The following ATXN7 variants were observed in gnomAD, a reference collection of about 807,000 sequenced individuals.
The protein encoded by ATXN7 is ataxin-7.
Under a neutral mutation model 70.5 loss-of-function variants are expected in ATXN7, and 12 were observed. That is an observed-to-expected ratio of 0.17 (90% CI 0.11 to 0.28). ATXN7 has a LOEUF of 0.28. ATXN7 is among the 10% of genes least tolerant of loss of function. The probability of loss-of-function intolerance (pLI) is 1.00; values close to 1 mark genes in which losing one functional copy is unlikely to be tolerated. For missense variants in ATXN7, 1,256 were observed against 1,131.7 expected, an observed-to-expected ratio of 1.11 and a Z score of -1.58; for synonymous variants, 498 against 448.7, an observed-to-expected ratio of 1.11 and a Z score of -1.39.
chr3:63,912,948 C>T (rs752472931), intron 3 of ATXN7, 25 bp downstream of exon 3: 123 of 1,593,762 alleles, frequency 7.7e-5, no homozygotes, highest in Non-Finnish European at 9.9e-5. Flanking sequence ...CCTCCTCCCC[C>T]CTTCACCCCC....
chr3:63,893,499 C>G (rs1055596000), intron 1 of ATXN7, among the ~76,000 whole-genome samples: 1 of 152,110 alleles, frequency 6.6e-6, no homozygotes, highest in Admixed American at 6.5e-5. Context: ...CTATATTGAA[C>G]ATATTTGGAG....
chr3:63,878,803 A>G (rs1240918570), intron 1 of ATXN7, among the ~76,000 whole-genome samples: 1 of 152,180 alleles, frequency 6.6e-6, no homozygotes, highest in Non-Finnish European at 1.5e-5. Flanking sequence ...GACAGGAGCT[A>G]TAGTACTAGA....
Position 63,923,107 on chromosome 3 carries a change from G to A in ATXN7, c.394+9882G>A, listed in dbSNP as rs180995829. On this transcript the variant is annotated intron_variant, in intron 4 of 12. Coordinates refer to ENST00000674280, the MANE Select transcript of ATXN7 (RefSeq NM_001377405.1). The stretch of plus-strand genomic sequence containing the variant: ...CCTCAGTGTATTTTGTTTATTTTGT[G>A]ATTACTGCCTTGAGAATCCTCTGAC... Among the ~76,000 whole-genome samples the A allele has an allele frequency of 2.6e-5, 4 of 152,272 alleles. No homozygotes were observed. In the East Asian group the frequency reaches 7.7e-4, roughly 29 times the overall value.
chr3:63,996,553 A>C, intron 12 of ATXN7, 70 bp downstream of exon 12: 1 of 1,536,206 alleles, frequency 6.5e-7, no homozygotes, highest in Non-Finnish European at 8.8e-7. Context: ...GTCAGCTCAG[A>C]AATGTGTTTG....
intron 5 of ATXN7, among the ~76,000 whole-genome samples, chr3:63,953,824 T>C (rs1358765599): frequency 1.3e-5 from 2 of 152,008 alleles, no homozygotes; most frequent in Non-Finnish European, 2.9e-5. Flanking sequence ...ATTTTTGTAT[T>C]TTTAGTAGAG....
intron 4 of ATXN7, among the ~76,000 whole-genome samples, chr3:63,922,554 C>CT (rs997696076): frequency 1.1e-4 from 16 of 152,100 alleles, no homozygotes; most frequent in African/African-American, 2.2e-4. Context: ...TTCAAACCCC[C>CT]TTTTTTCTGG....
At chr3:63,960,967 T>C (rs981525387) in intron 5 of ATXN7, among the ~76,000 whole-genome samples, 4 of 152,174 alleles carry the variant, frequency 2.6e-5, no homozygotes, top group African/African-American at 9.7e-5. Context: ...CATTGGGTAA[T>C]TGTGAAAATT....
At chr3:63,959,158 G>T (rs990488290) in intron 5 of ATXN7, among the ~76,000 whole-genome samples, 19 of 152,180 alleles carry the variant, frequency 1.2e-4, no homozygotes, top group African/African-American at 4.6e-4. Context: ...CTAAATCATA[G>T]TCGCTATCTA....
intron 1 of ATXN7, among the ~76,000 whole-genome samples, chr3:63,894,262 T>C (rs1703376515): frequency 6.6e-6 from 1 of 152,208 alleles, no homozygotes; most frequent in South Asian, 2.1e-4. Context: ...GATTTTTAGA[T>C]TTTTCCCAGA....
At chr3:63,979,737 T>A (rs1301236582) in intron 5 of ATXN7, among the ~76,000 whole-genome samples, 178 bp from the exon 6 acceptor site, 1 of 152,210 alleles carries the variant, frequency 6.6e-6, no homozygotes, top group Non-Finnish European at 1.5e-5. Flanking sequence ...GTTCCTAGAA[T>A]GCTAAGTAAG....
intron 1 of ATXN7, among the ~76,000 whole-genome samples, chr3:63,897,118 C>T (rs895736203): frequency 3.9e-5 from 6 of 152,112 alleles, no homozygotes; most frequent in African/African-American, 1.4e-4. Context: ...TTTTGCACAG[C>T]TATAAAGTAT....
chr3:63,924,995 T>C, intron 4 of ATXN7, among the ~76,000 whole-genome samples: 1 of 152,190 alleles, frequency 6.6e-6, no homozygotes, highest in Non-Finnish European at 1.5e-5. Flanking sequence ...ATCACAAGTA[T>C]AGTACCTTGA....
intron 4 of ATXN7, among the ~76,000 whole-genome samples, chr3:63,933,358 A>C (rs949451854): frequency 6.6e-6 from 1 of 152,164 alleles, no homozygotes. Flanking sequence ...CTGACCTTCA[A>C]AGTAGTCAAT....
chr3:63,876,629 A>C (rs576146999), intron 1 of ATXN7, among the ~76,000 whole-genome samples: 10 of 152,344 alleles, frequency 6.6e-5, no homozygotes, highest in African/African-American at 2.4e-4. Flanking sequence ...TATAAATGGC[A>C]CTAAACTGAA....
chr3:63,925,975 G>A (rs1704700501), intron 4 of ATXN7, among the ~76,000 whole-genome samples: 1 of 152,144 alleles, frequency 6.6e-6, no homozygotes, highest in Non-Finnish European at 1.5e-5. Context: ...TGAATTGGTG[G>A]TAGCTAAAGT....
intron 4 of ATXN7, among the ~76,000 whole-genome samples, chr3:63,930,391 C>T (rs1162635099): frequency 6.6e-6 from 1 of 152,162 alleles, no homozygotes; most frequent in African/African-American, 2.4e-5. Context: ...GTAATAGGAT[C>T]CCTTTGTGTG....
At chr3:63,956,691 T>C (rs2075044440) in intron 5 of ATXN7, among the ~76,000 whole-genome samples, 1 of 152,068 alleles carries the variant, frequency 6.6e-6, no homozygotes, top group South Asian at 2.1e-4. Flanking sequence ...CAGATGCAGA[T>C]ACAGTCCACT....
chr3:63,996,270 C>A lies in ATXN7; in HGVS notation c.2448C>A (p.Val816=). The A allele has an allele frequency of 6.2e-7, 1 of 1,614,150 alleles. No homozygotes were observed. Among genetic ancestry groups the A allele is most frequent in the South Asian group, 1.1e-5 (1 of 91,076 alleles). Residue 816 remains valine, a synonymous_variant, in exon 12 of 13, where the codon GTC becomes GTA. Coordinates refer to ENST00000674280, the MANE Select transcript of ATXN7 (RefSeq NM_001377405.1). ...PFIHQSNELP[V]NSHGSFSHSH... Reference sequence around the variant, plus strand: ...TTCACCAGTCCAATGAACTGCCTGTCAACTCCCACGGCAGTTTTTCCCACT... The same window carrying A: ...TTCACCAGTCCAATGAACTGCCTGTAAACTCCCACGGCAGTTTTTCCCACT...
chr3:63,986,824 C>T (rs192172914), intron 8 of ATXN7, among the ~76,000 whole-genome samples: 152 of 152,242 alleles, frequency 1.0e-3, no homozygotes, highest in African/African-American at 3.4e-3. Context: ...GCATAATTCC[C>T]TTTTTAAGTC....
Sources: allele counts gnomAD v4.1 joint callset (sites outside exome capture counted in the v4.1 genomes callset), GRCh38; gene constraint gnomAD v4.1.1; transcripts MANE v1.5; gene names NCBI Gene and HGNC (gene_info 2026-07-23, HGNC 2026-07-21).